Variants in RARS1 observed in about 807,000 individuals in gnomAD.
The protein encoded by RARS1 is arginyl-tRNA synthetase 1.
A neutral mutation model predicts 78.7 loss-of-function variants in RARS1; 75 were observed. The ratio of observed to expected loss-of-function variants is 0.95; its 90% CI spans 0.79 to 1.15. The LOEUF is 1.15. Ranked by LOEUF, RARS1 falls within the 50% of genes most tolerant of loss-of-function variation. The probability of loss-of-function intolerance (pLI) is 0.00; values close to 1 mark genes in which losing one functional copy is unlikely to be tolerated. For synonymous variants in RARS1, 273 were observed against 268.2 expected, an observed-to-expected ratio of 1.02 and a Z score of -0.18; for missense variants, 787 against 787.5, an observed-to-expected ratio of 1.00 and a Z score of 0.01.
At chr5:168,501,978 T>C (rs767715890) in intron 8 of RARS1, 23 bp from the exon 9 acceptor site, 31 of 1,578,962 alleles carry the variant, frequency 2.0e-5, no homozygotes, top group Non-Finnish European at 2.6e-5. Flanking sequence ...TTTTATTTGG[T>C]GGCATTTTAT....
Position 168,494,565 on chromosome 5 carries a change from A to G in RARS1, c.494A>G (p.His165Arg), listed in dbSNP as rs758619668. The change falls in exon 5 of 15, where the codon CAC becomes CGC. Residue 165 changes from histidine to arginine, a missense_variant. His to Arg is a conservative substitution (Grantham distance 29). Transcript: ENST00000231572. ...TATCCATTAGGTTTTATTAATGTCCACTTAAGAAAGGATTTTGTATCAGAA... is the reference window on the plus strand; with the variant it reads ...TATCCATTAGGTTTTATTAATGTCCGCTTAAGAAAGGATTTTGTATCAGAA... ...EIAGPGFINV[H>R]LRKDFVSEQL... 1.2e-6 allele frequency: 2 copies of G among 1,610,364 alleles called. No individual in the cohort carries two copies. Among genetic ancestry groups the G allele is most frequent in the South Asian group, 2.2e-5 (2 of 91,012 alleles).
At position 168,518,073 on chromosome 5, in the gene RARS1, T is replaced by TTTTTTTTTTTTTTTTTTC. The variant is rs1758712033; in HGVS notation, c.1873+28_1873+29insCTTTTTTTTTTTTTTTTT. On this transcript the variant is annotated intron_variant, in intron 14 of 14. Transcript: ENST00000231572. Reference sequence around the variant, plus strand: ...AAGATAGACAGACTGGTGAGTGTCTTTTTTTTTTTTTTTTTTTTTTTTAGT... The same window carrying TTTTTTTTTTTTTTTTTTC: ...AAGATAGACAGACTGGTGAGTGTCTTTTTTTTTTTTTTTTTTTCTTTTTTTTTTTTTTTTTTTTTTAGT... The TTTTTTTTTTTTTTTTTTC allele has an allele frequency of 4.4e-6, 2 of 452,982 alleles. 1 individual carries two copies. The highest frequency in any genetic ancestry group is 6.2e-6 in the Non-Finnish European group (2 of 321,328). The allele number at this position is 452,982 out of a possible 1,614,324, so 28.1% of individuals were successfully genotyped here.
At chr5:168,504,471 C>T (rs1168326875) in intron 9 of RARS1, among the ~76,000 whole-genome samples, 2 of 147,124 alleles carry the variant, frequency 1.4e-5, no homozygotes, top group South Asian at 2.1e-4. Context: ...TGCAGTGAGC[C>T]GAGATCATGC....
chr5:168,495,537 A>G, intron 6 of RARS1, 101 bp downstream of exon 6: 1 of 1,469,608 alleles, frequency 6.8e-7, no homozygotes, highest in African/African-American at 1.4e-5. Context: ...ACATTCGACT[A>G]AATCAGTGGT....
At chr5:168,493,802 C>A in intron 3 of RARS1, 92 bp from the exon 4 acceptor site, 1 of 934,362 alleles carries the variant, frequency 1.1e-6, no homozygotes, top group Non-Finnish European at 1.7e-6. Context: ...TGGTTCTTAA[C>A]GTAAAATGCA....
chr5:168,488,022 G>A (rs1420561023), intron 1 of RARS1: 2 of 167,582 alleles, frequency 1.2e-5, no homozygotes, highest in African/African-American at 4.8e-5. Context: ...TGTTTATCGA[G>A]CCAAAGAAAA....
At chr5:168,500,746 G>T in intron 8 of RARS1, 26 bp downstream of exon 8, 2 of 1,602,788 alleles carry the variant, frequency 1.2e-6, no homozygotes, top group Non-Finnish European at 8.5e-7. Context: ...TTGTTCCTTC[G>T]TCCAGCAAAT....
chr5:168,492,184 A>G (rs1307483011), intron 2 of RARS1, among the ~76,000 whole-genome samples: 1 of 152,218 alleles, frequency 6.6e-6, no homozygotes, highest in African/African-American at 2.4e-5. Context: ...ACAGTAAAAC[A>G]AAACTACTGG....
Position 168,509,349 on chromosome 5 carries a change from A to C in RARS1, c.1347-1232A>C, listed in dbSNP as rs549886447. On this transcript the variant is annotated intron_variant, in intron 11 of 14. Transcript: ENST00000231572. ...CTTGCTTGGGCAAGCTCTGGAAATAAAACTTTAACAGAAAGTAGCACATTC... is the reference window on the plus strand; with the variant it reads ...CTTGCTTGGGCAAGCTCTGGAAATACAACTTTAACAGAAAGTAGCACATTC... Among the ~76,000 whole-genome samples, 5 of 152,212 alleles carry C rather than the reference A, an allele frequency of 3.3e-5. No homozygotes were observed. In the East Asian group the frequency reaches 9.7e-4, roughly 29 times the overall value.
intron 2 of RARS1, among the ~76,000 whole-genome samples, chr5:168,491,420 G>C (rs1390835607): frequency 5.9e-5 from 9 of 152,200 alleles, no homozygotes; most frequent in African/African-American, 1.9e-4. Context: ...TTTGCTGTTG[G>C]AAATCTTTAG....
chr5:168,508,650 A>G (rs1004698134), intron 11 of RARS1, among the ~76,000 whole-genome samples: 1 of 149,686 alleles, frequency 6.7e-6, no homozygotes, highest in African/African-American at 2.5e-5. Context: ...AAAAATTCTC[A>G]CAGAGGGGGA....
In RARS1 at chr5:168,513,979, TCCACAGAAC is replaced by T. The variant is rs1194956677; in HGVS notation, c.1453-2798_1453-2790del. Among the ~76,000 whole-genome samples, 3 of 152,346 alleles carry T rather than the reference TCCACAGAAC, an allele frequency of 2.0e-5. No individual in the cohort carries two copies. The East Asian group carries it at 5.8e-4, about 29-fold the overall frequency. On this transcript the variant is annotated intron_variant, in intron 12 of 14. Coordinates refer to ENST00000231572, the MANE Select transcript of RARS1 (RefSeq NM_002887.4). ...CTTTCAGCATTTTTAGAGATGACAT[TCCACAGAAC>T]TGGAGAGGACCAGTGGGGCTGAGGG... is the stretch of plus-strand genomic sequence containing the variant.
Position 168,518,187 on chromosome 5 carries a change from G to C in RARS1, c.1873+125G>C, listed in dbSNP as rs186209359. On this transcript the variant is annotated intron_variant, in intron 14 of 14. Coordinates refer to ENST00000231572, the MANE Select transcript of RARS1 (RefSeq NM_002887.4). The stretch of plus-strand genomic sequence containing the variant: ...AAGCCTCAAACTTCTGGCCTCAAGT[G>C]ATTCTCCCACTTGAGCCTCCCGAAT... 424 of 1,183,442 alleles carry C rather than the reference G, an allele frequency of 3.6e-4. 1 individual carries two copies. Among genetic ancestry groups the C allele is most frequent in the Non-Finnish European group, 2.0e-4 (185 of 909,352 alleles). The allele number at this position is 1,183,442 out of a possible 1,614,324, so 73.3% of individuals were successfully genotyped here. A position where few individuals can be genotyped will look rare whatever the true frequency, so the allele number is the denominator to read the frequency against.
At chr5:168,516,170 A>G (rs1758662462) in intron 12 of RARS1, among the ~76,000 whole-genome samples, 1 of 152,090 alleles carries the variant, frequency 6.6e-6, no homozygotes, top group African/African-American at 2.4e-5. Flanking sequence ...AGTGACTTCA[A>G]CCAGTTGTTT....
chr5:168,490,924 G>A (rs1758068814), intron 2 of RARS1, among the ~76,000 whole-genome samples: 3 of 151,942 alleles, frequency 2.0e-5, no homozygotes, highest in Admixed American at 6.6e-5. Context: ...ATTACCTGGA[G>A]TCAGGAGTTC....
At chr5:168,501,383 G>A (rs1291927189) in intron 8 of RARS1, among the ~76,000 whole-genome samples, 1 of 152,152 alleles carries the variant, frequency 6.6e-6, no homozygotes, top group Non-Finnish European at 1.5e-5. Context: ...CACTAGATAG[G>A]AAGAGCTTTT....
chr5:168,497,857 T>G (rs1291691358), intron 7 of RARS1: 1 of 151,742 alleles, frequency 6.6e-6, no homozygotes, highest in Non-Finnish European at 1.5e-5. Context: ...TACCCTACAT[T>G]TGGTTGTATG....
intron 12 of RARS1, among the ~76,000 whole-genome samples, chr5:168,513,712 A>ATTG (rs1393330691): frequency 6.6e-6 from 1 of 151,802 alleles, no homozygotes; most frequent in Non-Finnish European, 1.5e-5. Context: ...TATTATTATT[A>ATTG]TTATTTTGCA....
chr5:168,504,148 G>A (rs527305045), intron 9 of RARS1, among the ~76,000 whole-genome samples: 2 of 151,900 alleles, frequency 1.3e-5, no homozygotes, highest in East Asian at 1.9e-4. Context: ...TTGGGAGGCT[G>A]AGGTGGGAGG....
Sources: allele counts gnomAD v4.1 joint callset (sites outside exome capture counted in the v4.1 genomes callset), GRCh38; gene constraint gnomAD v4.1.1; transcripts MANE v1.5; gene names NCBI Gene and HGNC (gene_info 2026-07-23, HGNC 2026-07-21).